AAK1: variants seen among roughly 807,000 people sequenced by gnomAD.
AAK1 encodes the protein AP2 associated kinase 1.
Under a neutral mutation model 116.0 loss-of-function variants are expected in AAK1, and 37 were observed. The ratio of observed to expected loss-of-function variants is 0.32; its 90% CI spans 0.25 to 0.42. The LOEUF is 0.42. Ranked by LOEUF, AAK1 falls within the 10% of genes least tolerant of loss-of-function variation. The probability of loss-of-function intolerance (pLI) is 1.00; values close to 1 mark genes in which losing one functional copy is unlikely to be tolerated. For synonymous variants in AAK1, 458 were observed against 439.9 expected (o/e 1.04, Z -0.51); for missense variants, 919 against 1,170.6 (o/e 0.79, Z 3.14).
chr2:69,570,116 C>A (rs181930326), intron 2 of AAK1, among the ~76,000 whole-genome samples: 11 of 152,204 alleles, frequency 7.2e-5, no homozygotes, highest in African/African-American at 2.4e-4. Context: ...CAGTTCCAGT[C>A]CCTTTATAAT....
rs547989030 is a variant in AAK1 at position 69,551,912 on chromosome 2, T to C, written c.282+4948A>G. On this transcript the variant is annotated intron_variant, in intron 3 of 21. Coordinates refer to ENST00000409085, the MANE Select transcript of AAK1 (RefSeq NM_014911.5). ...GAAACCGCTAACAGTTCTCTTTGCGTTTGGATGCAACGTGCCCGTTGTTCT... is the reference window on the plus strand; with the variant it reads ...GAAACCGCTAACAGTTCTCTTTGCGCTTGGATGCAACGTGCCCGTTGTTCT... Among the ~76,000 whole-genome samples the C allele has an allele frequency of 7.0e-4, 106 of 152,302 alleles. 1 individual carries two copies. The South Asian group carries it at 0.012, about 17-fold the overall frequency.
chr2:69,527,898 A>G (rs547062474), intron 8 of AAK1, among the ~76,000 whole-genome samples: 4 of 152,182 alleles, frequency 2.6e-5, no homozygotes, highest in Non-Finnish European at 5.9e-5. Context: ...TCAGGGGGAA[A>G]AAAAATTATT....
intron 2 of AAK1, among the ~76,000 whole-genome samples, chr2:69,588,409 A>C (rs1452748112): frequency 6.6e-6 from 1 of 152,222 alleles, no homozygotes; most frequent in Non-Finnish European, 1.5e-5. Flanking sequence ...AGTATTTGTC[A>C]CGGACATCAG....
intron 2 of AAK1, among the ~76,000 whole-genome samples, chr2:69,626,312 C>T (rs1254481337): frequency 6.6e-6 from 1 of 151,608 alleles, no homozygotes; most frequent in Admixed American, 6.6e-5. Context: ...CATCCACCTC[C>T]CTTCCCAGTC....
At chr2:69,597,963 G>A (rs780615175) in intron 2 of AAK1, 2 of 297,722 alleles carry the variant, frequency 6.7e-6, no homozygotes, top group Non-Finnish European at 1.2e-5. Context: ...GGAGTTACTT[G>A]AGATGAAAAA....
chr2:69,482,487 T>C (rs1675127334), intron 18 of AAK1: 2 of 638,340 alleles, frequency 3.1e-6, no homozygotes. Context: ...TCATAAGAGA[T>C]CCACTCTAGA....
chr2:69,561,008 T>A (rs920964450), intron 2 of AAK1, among the ~76,000 whole-genome samples: 2 of 152,236 alleles, frequency 1.3e-5, no homozygotes, highest in Admixed American at 6.5e-5. Context: ...GGACCTGGTT[T>A]TGTCGGATCT....
chr2:69,512,690 C>T (rs548461273), intron 13 of AAK1, among the ~76,000 whole-genome samples: 94 of 152,336 alleles, frequency 6.2e-4, no homozygotes, highest in African/African-American at 2.2e-3. Flanking sequence ...AAAGCATGGT[C>T]TATTTCTGTT....
At chr2:69,542,997 T>G (rs1329946456) in intron 4 of AAK1, among the ~76,000 whole-genome samples, 2 of 152,226 alleles carry the variant, frequency 1.3e-5, no homozygotes, top group Non-Finnish European at 2.9e-5. Flanking sequence ...TCGTTGTGTA[T>G]GAGACATGGC....
At chr2:69,495,932 C>A in intron 17 of AAK1, 53 bp downstream of exon 17, 1 of 1,448,804 alleles carries the variant, frequency 6.9e-7, no homozygotes, top group South Asian at 1.3e-5. Context: ...TTCTACAAGG[C>A]CTGGGACATG....
At chr2:69,635,547 G>A (rs1675406950) in intron 2 of AAK1, among the ~76,000 whole-genome samples, 1 of 152,220 alleles carries the variant, frequency 6.6e-6, no homozygotes, top group Admixed American at 6.5e-5. Flanking sequence ...AAGCAACCCA[G>A]TGTCCACTGA....
chr2:69,559,134 T>C (rs1472778817), intron 2 of AAK1, among the ~76,000 whole-genome samples: 2 of 152,152 alleles, frequency 1.3e-5, no homozygotes, highest in Non-Finnish European at 2.9e-5. Flanking sequence ...AGTATTCAAA[T>C]AAACACTAAA....
At chr2:69,573,858 G>A (rs1672188384) in intron 2 of AAK1, among the ~76,000 whole-genome samples, 1 of 151,964 alleles carries the variant, frequency 6.6e-6, no homozygotes, top group African/African-American at 2.4e-5. Flanking sequence ...AATTAGCTGG[G>A]CGTGGTTGCG....
At position 69,466,010 on chromosome 2, in the gene AAK1, C is replaced by T. The variant is rs1410726856; in HGVS notation, c.*9859G>A. ...AAGGAGCTCTCAAAAACACGTCTGA[C>T]TCCTCTGGCTGGGAAGGAGCCATAC... On this transcript the variant is annotated 3_prime_UTR_variant, in exon 22 of 22. Transcript: ENST00000409085. 3.9e-6 allele frequency: 5 copies of T among 1,290,926 alleles called. No homozygotes were observed. The East Asian group carries it at 2.2e-4, about 57-fold the overall frequency. The allele number at this position is 1,290,926 out of a possible 1,614,324, so 80.0% of individuals were successfully genotyped here. A position where few individuals can be genotyped will look rare whatever the true frequency, so the allele number is the denominator to read the frequency against.
intron 2 of AAK1, among the ~76,000 whole-genome samples, chr2:69,591,307 G>T (rs1673014333): frequency 6.6e-6 from 1 of 152,058 alleles, no homozygotes; most frequent in Non-Finnish European, 1.5e-5. Context: ...AACCAGTAAG[G>T]TCTACTGACC....
rs1160639228 is a variant in AAK1 at position 69,468,094 on chromosome 2, T to G, written c.*7775A>C. 1 of 985,256 alleles carries G rather than the reference T, an allele frequency of 1.0e-6. No individual in the cohort carries two copies. The highest frequency in any genetic ancestry group is 1.7e-5 in the African/African-American group (1 of 57,228). 61.0% of individuals were successfully genotyped at this position (985,256 alleles called of 1,614,324 possible). ...TACTGGTGCCAAATGGCTTTCAGAA[T>G]AGTATTTGAAGAATAAGATTTTGAA... On this transcript the variant is annotated 3_prime_UTR_variant, in exon 22 of 22. Transcript: ENST00000409085.
chr2:69,495,911 A>T, intron 17 of AAK1, 74 bp downstream of exon 17: 1 of 1,248,672 alleles, frequency 8.0e-7, no homozygotes, highest in Non-Finnish European at 1.1e-6. Context: ...CGGGGTATTT[A>T]AGGCAGAACT....
chr2:69,541,060 C>G (rs554153012), intron 5 of AAK1, among the ~76,000 whole-genome samples: 2 of 151,728 alleles, frequency 1.3e-5, no homozygotes, highest in Non-Finnish European at 2.9e-5. Flanking sequence ...AATACAGAGA[C>G]AGAAAGTAGA....
chr2:69,492,602 A>C (rs1189215025), intron 17 of AAK1, among the ~76,000 whole-genome samples: 1 of 140,584 alleles, frequency 7.1e-6, no homozygotes, highest in African/African-American at 2.7e-5. Flanking sequence ...AGCTCACTGG[A>C]AACTCCACCT....
Sources: gnomAD v4.1 joint callset for allele counts (sites outside exome capture counted in the v4.1 genomes callset) on GRCh38, gnomAD v4.1.1 for gene constraint, MANE v1.5 for transcripts, NCBI Gene and HGNC (gene_info 2026-07-23, HGNC 2026-07-21) for gene names.